The following LATS1 variants were observed in gnomAD, a reference collection of about 807,000 sequenced individuals.
LATS1 encodes the protein large tumor suppressor kinase 1.
In LATS1, 25 loss-of-function variants were observed where a neutral mutation model predicts 106.6. The observed-to-expected ratio is 0.23, with a 90% CI of 0.17 to 0.33. The LOEUF is 0.33. Ranked by LOEUF, LATS1 falls within the 10% of genes least tolerant of loss-of-function variation. The pLI, the probability that LATS1 is intolerant of heterozygous loss-of-function variation, is 1.00. For synonymous variants in LATS1, 465 were observed against 455.6 expected (o/e 1.02, Z -0.26); for missense variants, 1,040 against 1,382.6 (o/e 0.75, Z 3.93).
At chr6:149,687,002 T>C (rs566193601) in intron 3 of LATS1, among the ~76,000 whole-genome samples, 2 of 152,282 alleles carry the variant, frequency 1.3e-5, no homozygotes, top group South Asian at 4.1e-4. Context: ...ACGCTTATAC[T>C]CCCAGACCAC....
At chr6:149,682,415 CTTTTTTTTTTT>C (rs869175355) in intron 4 of LATS1, among the ~76,000 whole-genome samples, 1 of 138,336 alleles carries the variant, frequency 7.2e-6, no homozygotes, top group Non-Finnish European at 1.6e-5. Context: ...TTTCTTTTTT[CTTTTTTTTTTT>C]TTTTTGAGAC....
At chr6:149,672,179 A>G (rs1415431373) in intron 7 of LATS1, among the ~76,000 whole-genome samples, 1 of 149,726 alleles carries the variant, frequency 6.7e-6, no homozygotes, top group Non-Finnish European at 1.5e-5. Flanking sequence ...GGCGTGAGCC[A>G]CCATACCTGG....
chr6:149,690,607 C>T (rs908315220), intron 3 of LATS1, among the ~76,000 whole-genome samples: 14 of 151,172 alleles, frequency 9.3e-5, no homozygotes, highest in Admixed American at 2.6e-4. Flanking sequence ...AGTGCAGCGG[C>T]GCAATCACAG....
intron 7 of LATS1, among the ~76,000 whole-genome samples, chr6:149,673,696 T>TA (rs1341339910): frequency 2.0e-5 from 3 of 150,474 alleles, no homozygotes; most frequent in Non-Finnish European, 4.4e-5. Flanking sequence ...TTTTTTGAGA[T>TA]AGAGTCTCAC....
intron 4 of LATS1, 87 bp downstream of exon 4, chr6:149,682,992 A>G (rs757649972): frequency 1.1e-5 from 12 of 1,059,980 alleles, no homozygotes; most frequent in Non-Finnish European, 1.5e-5. Flanking sequence ...TATAAAAAGA[A>G]AGAAAAATAC....
chr6:149,717,828 C>A (rs1301512567), intron 1 of LATS1, 21 bp downstream of exon 1: 1 of 294,964 alleles, frequency 3.4e-6, no homozygotes. Flanking sequence ...AGCGCACCCG[C>A]TACGCCAGCC....
At chr6:149,704,777 C>A (rs1262312082) in intron 1 of LATS1, among the ~76,000 whole-genome samples, 2 of 152,094 alleles carry the variant, frequency 1.3e-5, no homozygotes, top group African/African-American at 4.8e-5. Flanking sequence ...GCATGAGCCA[C>A]CCCACCTAGC....
intron 1 of LATS1, among the ~76,000 whole-genome samples, chr6:149,703,467 G>T (rs1209937642): frequency 2.6e-5 from 4 of 152,156 alleles, no homozygotes; most frequent in Admixed American, 1.3e-4. Context: ...TGGATCTTGT[G>T]GATGAATCTC....
At chr6:149,679,388 T>C (rs1348252396) in intron 5 of LATS1, among the ~76,000 whole-genome samples, 4 of 151,536 alleles carry the variant, frequency 2.6e-5, no homozygotes, top group Admixed American at 1.3e-4. Context: ...CCCATCTCTA[T>C]TAAAAATACA....
At chr6:149,712,538 T>A (rs1290196902) in intron 1 of LATS1, among the ~76,000 whole-genome samples, 1 of 151,858 alleles carries the variant, frequency 6.6e-6, no homozygotes, top group Non-Finnish European at 1.5e-5. Context: ...TGAATAGAGA[T>A]GAGGGTCTCG....
intron 7 of LATS1, among the ~76,000 whole-genome samples, chr6:149,664,571 T>G (rs970755810): frequency 2.0e-5 from 3 of 151,978 alleles, no homozygotes; most frequent in African/African-American, 7.3e-5. Flanking sequence ...CTACATATAC[T>G]CTCCTGTCTC....
chr6:149,696,535 G>A (rs1783079140), intron 2 of LATS1, among the ~76,000 whole-genome samples: 1 of 130,254 alleles, frequency 7.7e-6, no homozygotes, highest in Non-Finnish European at 1.6e-5. Context: ...CTCCAGCCTG[G>A]GCAACAAGAG....
At chr6:149,664,452 C>T (rs1781040581) in intron 7 of LATS1, among the ~76,000 whole-genome samples, 1 of 152,064 alleles carries the variant, frequency 6.6e-6, no homozygotes, top group Non-Finnish European at 1.5e-5. Flanking sequence ...AAGAAAAATA[C>T]AAAGAAAACT....
intron 7 of LATS1, among the ~76,000 whole-genome samples, chr6:149,672,323 C>T (rs1781485530): frequency 6.6e-6 from 1 of 151,740 alleles, no homozygotes; most frequent in South Asian, 2.1e-4. Context: ...GATTCTCCTC[C>T]CTCAGCCTCC....
At chr6:149,688,875 C>G (rs1782553130) in intron 3 of LATS1, among the ~76,000 whole-genome samples, 1 of 151,922 alleles carries the variant, frequency 6.6e-6, no homozygotes, top group Admixed American at 6.6e-5. Flanking sequence ...TATATGAGTT[C>G]AGACAGCACA....
chr6:149,695,972 T>C (rs901391563), intron 2 of LATS1, among the ~76,000 whole-genome samples: 1 of 151,860 alleles, frequency 6.6e-6, no homozygotes, highest in African/African-American at 2.4e-5. Context: ...TGGTGCGATC[T>C]TGGCTCACTA....
intron 2 of LATS1, 44 bp from the exon 3 acceptor site, chr6:149,695,265 T>C: frequency 7.5e-7 from 1 of 1,326,618 alleles, no homozygotes. Flanking sequence ...AAAATTTAAA[T>C]CTTACAATAA....
At position 149,684,242 on chromosome 6, in the gene LATS1, A is replaced by G; in HGVS notation, c.847T>C (p.Tyr283His). 2 of 1,614,056 alleles carry G rather than the reference A, an allele frequency of 1.2e-6. No homozygotes were observed. The highest frequency in any genetic ancestry group is 1.7e-6 in the Non-Finnish European group (2 of 1,179,996). ...ACAGGAGAGATTCGGGAGATTACGT[A>G]TTCCATGTTTCCAGAATAGCGCTTT... The part of the protein sequence containing the change: ...QTKRYSGNME[Y>H]VISRISPVPP... Residue 283 changes from tyrosine (Y) to histidine (H), a missense_variant, in exon 4 of 8, where the codon TAC becomes CAC. By Grantham distance (83) the Tyr-to-His change is moderately conservative. Around this residue, in one of 7 missense-constraint regions of LATS1, gnomAD observed 624 missense variants for 714.8 expected, o/e 0.87. Coordinates refer to ENST00000543571, the MANE Select transcript of LATS1 (RefSeq NM_004690.4).
chr6:149,692,941 T>C (rs1782849892), intron 3 of LATS1, among the ~76,000 whole-genome samples: 1 of 151,886 alleles, frequency 6.6e-6, no homozygotes, highest in Admixed American at 6.5e-5. Context: ...CCCAAAGTGC[T>C]GGGATTACAG....
Sources: gnomAD v4.1 joint callset for allele counts (sites outside exome capture counted in the v4.1 genomes callset) on GRCh38, gnomAD v4.1.1 for gene constraint, gnomAD v4.1.1 regional missense constraint, MANE v1.5 for transcripts, NCBI Gene and HGNC (gene_info 2026-07-23, HGNC 2026-07-21) for gene names.